FAF1: variants seen among roughly 807,000 people sequenced by gnomAD.
FAF1 encodes Fas associated factor 1, also known as FAS-associated factor 1.
FAF1 carries 25 observed loss-of-function variants against 92.5 expected under a neutral mutation model. The observed-to-expected ratio is 0.27, with a 90% confidence interval of 0.20 to 0.38. FAF1 has a LOEUF of 0.38. Ranked by LOEUF, FAF1 falls within the 10% of genes least tolerant of loss-of-function variation. The pLI is 1.00. For missense variants in FAF1, 636 were observed against 793.3 expected (o/e 0.80, Z 2.38); for synonymous variants, 234 against 273.2 (o/e 0.86, Z 1.42).
At chr1:50,515,345 A>T (rs1647203705) in intron 15 of FAF1, among the ~76,000 whole-genome samples, 2 of 152,122 alleles carry the variant, frequency 1.3e-5, no homozygotes, top group Admixed American at 6.5e-5. Flanking sequence ...CAGGTTTTGT[A>T]TGTATTCTAA....
rs1660649894 is a variant in FAF1 at position 50,768,235 on chromosome 1, C to T, written c.367+19765G>A. Among the ~76,000 whole-genome samples the T allele has an allele frequency of 2.0e-5, 3 of 152,098 alleles. No individual in the cohort carries two copies. In the South Asian group the frequency reaches 6.2e-4, roughly 32 times the overall value. Reference sequence around the variant, plus strand: ...CATAATGCTAAAGGGTTCAATTCAACAAGAAGACCTAACTATCCTAAATAT... The same window carrying T: ...CATAATGCTAAAGGGTTCAATTCAATAAGAAGACCTAACTATCCTAAATAT... On this transcript the variant is annotated intron_variant, in intron 4 of 18. Coordinates refer to ENST00000396153, the MANE Select transcript of FAF1 (RefSeq NM_007051.3).
chr1:50,710,077 G>C (rs185216650), intron 6 of FAF1, among the ~76,000 whole-genome samples: 84 of 152,288 alleles, frequency 5.5e-4, no homozygotes, highest in Admixed American at 1.1e-3. Context: ...CCATTATGGA[G>C]GGCTTCAAAT....
intron 17 of FAF1, among the ~76,000 whole-genome samples, chr1:50,484,708 A>G (rs933044606): frequency 6.6e-6 from 1 of 152,114 alleles, no homozygotes; most frequent in African/African-American, 2.4e-5. Context: ...CTTAATAACC[A>G]ATTTATGGTC....
intron 2 of FAF1, among the ~76,000 whole-genome samples, chr1:50,818,893 C>T (rs1644003849): frequency 6.6e-6 from 1 of 151,672 alleles, no homozygotes; most frequent in Non-Finnish European, 1.5e-5. Flanking sequence ...AATACAAATT[C>T]ATTTATGCTT....
chr1:50,816,453 C>A (rs574513601), intron 2 of FAF1, among the ~76,000 whole-genome samples: 1 of 152,100 alleles, frequency 6.6e-6, no homozygotes, highest in African/African-American at 2.4e-5. Flanking sequence ...ATCCTTCCGC[C>A]TCGGCCTCCC....
rs145146268 is a variant in FAF1 at position 50,664,755 on chromosome 1, C to G, written c.658-9227G>C. ...CTTGCAGAGAGTCGAGATCGCGCTACTGCACTCCAGACTGGGCGACAGAGC... is the reference window on the plus strand; with the variant it reads ...CTTGCAGAGAGTCGAGATCGCGCTAGTGCACTCCAGACTGGGCGACAGAGC... On this transcript the variant is annotated intron_variant, in intron 7 of 18. Transcript: ENST00000396153. Among the ~76,000 whole-genome samples, 461 of 152,336 alleles carry G rather than the reference C, an allele frequency of 3.0e-3. 4 individuals carry two copies. Among genetic ancestry groups the G allele is most frequent in the African/African-American group, 0.01 (435 of 41,572 alleles).
At chr1:50,454,886 C>G (rs1038947239) in intron 18 of FAF1, among the ~76,000 whole-genome samples, 1 of 152,204 alleles carries the variant, frequency 6.6e-6, no homozygotes, top group Non-Finnish European at 1.5e-5. Context: ...CTACCTATCC[C>G]CAGGTCCTAG....
chr1:50,500,910 G>C (rs1000269839), intron 15 of FAF1, among the ~76,000 whole-genome samples: 1 of 152,010 alleles, frequency 6.6e-6, no homozygotes, highest in African/African-American at 2.4e-5. Context: ...TCTTGACCAG[G>C]GAAATGCTAT....
At chr1:50,443,073 C>T (rs1646188328) in intron 18 of FAF1, among the ~76,000 whole-genome samples, 1 of 152,218 alleles carries the variant, frequency 6.6e-6, no homozygotes, top group Non-Finnish European at 1.5e-5. Flanking sequence ...AGCTACTCTG[C>T]CTCTGCTTCT....
chr1:50,651,484 T>C (rs1225759605), intron 8 of FAF1, among the ~76,000 whole-genome samples: 1 of 152,196 alleles, frequency 6.6e-6, no homozygotes, highest in Non-Finnish European at 1.5e-5. Context: ...TATCTAAGGC[T>C]ACTGTATATT....
Position 50,870,601 on chromosome 1 carries a change from C to T in FAF1, c.46-12604G>A, listed in dbSNP as rs190335179. ...ATTCTTGCAATGTTTCAAACTTTTT[C>T]ACTATTATTATATATATTATGGTAA... On this transcript the variant is annotated intron_variant, in intron 1 of 18. Transcript: ENST00000396153. Among the ~76,000 whole-genome samples the T allele has an allele frequency of 1.8e-3, 279 of 152,288 alleles. 1 individual carries two copies. Among genetic ancestry groups the T allele is most frequent in the South Asian group, 0.013 (62 of 4,828 alleles).
intron 1 of FAF1, among the ~76,000 whole-genome samples, chr1:50,952,577 G>A (rs1224373865): frequency 3.3e-5 from 5 of 152,074 alleles, no homozygotes. Context: ...CCATCGTCTG[G>A]GATGTGAGGA....
At chr1:50,902,444 G>T (rs951906394) in intron 1 of FAF1, among the ~76,000 whole-genome samples, 2 of 152,268 alleles carry the variant, frequency 1.3e-5, no homozygotes, top group Middle Eastern at 3.4e-3. Flanking sequence ...TAAATGAAAT[G>T]TATTATTAAA....
At chr1:50,931,614 T>A (rs1645047690) in intron 1 of FAF1, among the ~76,000 whole-genome samples, 1 of 152,172 alleles carries the variant, frequency 6.6e-6, no homozygotes, top group Admixed American at 6.5e-5. Flanking sequence ...ACACCTGTAA[T>A]CCCAGCACTT....
chr1:50,507,652 G>A (rs1647075974), intron 15 of FAF1, among the ~76,000 whole-genome samples: 1 of 152,164 alleles, frequency 6.6e-6, no homozygotes, highest in Non-Finnish European at 1.5e-5. Context: ...GGAGTTCGAG[G>A]TTACAGTGAG....
intron 15 of FAF1, among the ~76,000 whole-genome samples, chr1:50,509,984 A>G (rs1187191021): frequency 1.3e-5 from 2 of 152,052 alleles, no homozygotes; most frequent in Non-Finnish European, 2.9e-5. Context: ...CCTGGGCAAC[A>G]TGGTGAAACC....
chr1:50,466,661 G>C (rs1479137324), intron 18 of FAF1, among the ~76,000 whole-genome samples: 6 of 152,184 alleles, frequency 3.9e-5, no homozygotes, highest in Non-Finnish European at 8.8e-5. Flanking sequence ...TATTCTTACT[G>C]TAATGATAAT....
intron 4 of FAF1, among the ~76,000 whole-genome samples, chr1:50,776,230 G>C (rs1028462719): frequency 6.6e-6 from 1 of 152,130 alleles, no homozygotes; most frequent in Non-Finnish European, 1.5e-5. Flanking sequence ...TGATAGAGTA[G>C]GAACAGCCAA....
At chr1:50,784,348 T>C (rs1018814395) in intron 4 of FAF1, among the ~76,000 whole-genome samples, 2 of 152,184 alleles carry the variant, frequency 1.3e-5, no homozygotes, top group Admixed American at 6.5e-5. Context: ...ATCAATCTTT[T>C]ATAAGATGCA....
Sources: allele counts gnomAD v4.1 joint callset (sites outside exome capture counted in the v4.1 genomes callset), GRCh38; gene constraint gnomAD v4.1.1; transcripts MANE v1.5; gene names NCBI Gene and HGNC (gene_info 2026-07-23, HGNC 2026-07-21).